The following ZFHX3 variants were observed in gnomAD, a reference collection of about 807,000 sequenced individuals.
ZFHX3 encodes zinc finger homeobox 3.
In ZFHX3, 42 loss-of-function variants were observed where a neutral mutation model predicts 279.1. The ratio of observed to expected loss-of-function variants is 0.15; its 90% CI spans 0.12 to 0.19. ZFHX3 has a LOEUF of 0.19. Among genes scored for constraint, ZFHX3 ranks in the 10% least tolerant of loss-of-function variants. The probability of loss-of-function intolerance (pLI) is 1.00; values close to 1 mark genes in which losing one functional copy is unlikely to be tolerated. For missense variants in ZFHX3, 4,981 were observed against 4,754.0 expected (o/e 1.05, Z -1.40); for synonymous variants, 2,293 against 1,957.8 (o/e 1.17, Z -4.52).
At chr16:72,823,019 A>C (rs2036837941) in intron 5 of ZFHX3, among the ~76,000 whole-genome samples, 2 of 152,170 alleles carry the variant, frequency 1.3e-5, no homozygotes, top group Non-Finnish European at 2.9e-5. Flanking sequence ...ATTTGTTTTC[A>C]ATTGTGAGAC....
chr16:73,286,315 C>T (rs911717488), intron 4 of ZFHX3, among the ~76,000 whole-genome samples: 2 of 152,338 alleles, frequency 1.3e-5, no homozygotes, highest in South Asian at 2.1e-4. Flanking sequence ...CAAAAATCAT[C>T]AAGCAAAGTA....
intron 5 of ZFHX3, among the ~76,000 whole-genome samples, chr16:73,240,215 G>T (rs578210868): frequency 1.3e-5 from 2 of 150,116 alleles, no homozygotes; most frequent in South Asian, 4.2e-4. Flanking sequence ...TGCTTGCAGG[G>T]TATTTTCTTT....
Position 73,045,805 on chromosome 16 carries a change from T to TGGG in ZFHX3, c.-50+1944_-50+1946dup, listed in dbSNP as rs370846607. 5.3e-3 allele frequency among the ~76,000 whole-genome samples: 596 copies of TGGG among 111,956 alleles called. 53 individuals carry two copies. Among genetic ancestry groups the TGGG allele is most frequent in the African/African-American group, 0.019 (523 of 27,728 alleles). The allele number at this position is 111,956 out of a possible 152,430, so 73.4% of individuals were successfully genotyped here. A position where few individuals can be genotyped will look rare whatever the true frequency, so the allele number is the denominator to read the frequency against. ...GCCATTTCAAAAAAAAAAAAAAAAG[T>TGGG]GGGGGGGGGTTGTTGAGAGAGGGAA... On this transcript the variant is annotated intron_variant, in intron 1 of 9. Transcript: ENST00000268489.
chr16:72,954,228 G>A (rs968191483), intron 2 of ZFHX3, among the ~76,000 whole-genome samples: 5 of 152,190 alleles, frequency 3.3e-5, no homozygotes, highest in African/African-American at 1.2e-4. Context: ...AAATTAGCTA[G>A]GCATGGTGGC....
At chr16:73,266,737 G>A (rs2013987008) in intron 4 of ZFHX3, among the ~76,000 whole-genome samples, 1 of 152,238 alleles carries the variant, frequency 6.6e-6, no homozygotes, top group Non-Finnish European at 1.5e-5. Context: ...TCATGATAGT[G>A]AATAAGTCTC....
Position 73,492,766 on chromosome 16 carries a change from C to T in ZFHX3, c.-1546-36508G>A, listed in dbSNP as rs538626477. 1.0e-3 allele frequency among the ~76,000 whole-genome samples: 158 copies of T among 152,286 alleles called. 1 individual carries two copies. The highest frequency in any genetic ancestry group is 3.3e-3 in the African/African-American group (139 of 41,562). On this transcript the variant is annotated intron_variant, in intron 2 of 17. Coordinates refer to the ZFHX3 transcript ENST00000641206. ...ATATTGCTTCTAAAGTCACCCTTAA[C>T]ATTAAACAACTGCAGTTTGTAAGGA...
intron 1 of ZFHX3, among the ~76,000 whole-genome samples, chr16:73,880,148 G>A (rs1426940396): frequency 3.3e-5 from 5 of 152,038 alleles, no homozygotes; most frequent in South Asian, 2.1e-4. Flanking sequence ...AAAGTTCTCC[G>A]GAGGAAACAA....
chr16:73,014,051 G>C (rs1216213488), intron 1 of ZFHX3, among the ~76,000 whole-genome samples: 1 of 152,182 alleles, frequency 6.6e-6, no homozygotes, highest in Non-Finnish European at 1.5e-5. Flanking sequence ...CCTTACAACA[G>C]GGGCAAAGGA....
intron 4 of ZFHX3, among the ~76,000 whole-genome samples, chr16:72,873,940 T>C (rs1049068348): frequency 6.6e-6 from 1 of 152,178 alleles, no homozygotes; most frequent in African/African-American, 2.4e-5. Context: ...TGGCTGATGT[T>C]TCTAATTGCC....
intron 1 of ZFHX3, among the ~76,000 whole-genome samples, chr16:73,711,752 C>T (rs1234312572): frequency 6.6e-6 from 1 of 152,234 alleles, no homozygotes; most frequent in South Asian, 2.1e-4. Flanking sequence ...CTTTCCCCTC[C>T]AAAGATGGAT....
chr16:73,121,211 A>C (rs1198939463), intron 7 of ZFHX3, among the ~76,000 whole-genome samples: 1 of 152,228 alleles, frequency 6.6e-6, no homozygotes, highest in South Asian at 2.1e-4. Flanking sequence ...ACAATTGAAA[A>C]TTTGGCATAC....
intron 2 of ZFHX3, among the ~76,000 whole-genome samples, chr16:73,669,950 C>CA (rs1489366324): frequency 1.3e-5 from 2 of 152,150 alleles, no homozygotes; most frequent in East Asian, 3.9e-4. Context: ...AACTCACTGC[C>CA]AAAAAATATG....
intron 1 of ZFHX3, among the ~76,000 whole-genome samples, chr16:73,018,514 G>A (rs1051419386): frequency 2.0e-5 from 3 of 152,054 alleles, no homozygotes; most frequent in Admixed American, 1.3e-4. Flanking sequence ...CAGGAGGATC[G>A]CTTGAACCCA....
chr16:73,694,835 T>C (rs1317510629), intron 1 of ZFHX3, among the ~76,000 whole-genome samples: 1 of 152,172 alleles, frequency 6.6e-6, no homozygotes, highest in Non-Finnish European at 1.5e-5. Flanking sequence ...CTGGAAGCTC[T>C]CCAAAATACA....
At chr16:73,325,258 T>C (rs35815045) in intron 3 of ZFHX3, among the ~76,000 whole-genome samples, 1 of 151,990 alleles carries the variant, frequency 6.6e-6, no homozygotes, top group Admixed American at 6.5e-5. Context: ...TAAGTTTAAC[T>C]AATATTTATG....
intron 3 of ZFHX3, among the ~76,000 whole-genome samples, chr16:73,324,916 G>T (rs2015650290): frequency 6.6e-6 from 1 of 152,166 alleles, no homozygotes; most frequent in Non-Finnish European, 1.5e-5. Context: ...ATTATCTCAA[G>T]GGGATCAACA....
At chr16:73,303,385 G>T (rs546947752) in intron 4 of ZFHX3, among the ~76,000 whole-genome samples, 1 of 152,256 alleles carries the variant, frequency 6.6e-6, no homozygotes, top group South Asian at 2.1e-4. Context: ...ATGAGAGAAG[G>T]CTCATTTCAA....
intron 3 of ZFHX3, among the ~76,000 whole-genome samples, chr16:73,413,546 A>T (rs141511982): frequency 6.6e-6 from 1 of 152,212 alleles, no homozygotes; most frequent in Non-Finnish European, 1.5e-5. Flanking sequence ...GCAAAAGGCA[A>T]TCAGTAGCTC....
chr16:72,915,410 C>T lies in ZFHX3; in HGVS notation c.3217-25448G>A, dbSNP rs534392112. On this transcript the variant is annotated intron_variant, in intron 3 of 9. Coordinates refer to ENST00000268489, the MANE Select transcript of ZFHX3 (RefSeq NM_006885.4). ...CACCCAGTGTCCGGGATCAGCGTGG[C>T]GGGCCTCTGCTCCAACCTGTCCACC... Among the ~76,000 whole-genome samples, 5 of 152,236 alleles carry T rather than the reference C, an allele frequency of 3.3e-5. No homozygotes were observed. The East Asian group carries it at 5.8e-4, about 18-fold the overall frequency.
Sources: gnomAD v4.1 joint callset for allele counts (sites outside exome capture counted in the v4.1 genomes callset) on GRCh38, gnomAD v4.1.1 for gene constraint, MANE v1.5 for transcripts, NCBI Gene and HGNC (gene_info 2026-07-23, HGNC 2026-07-21) for gene names.